Variants in TCP11L1 observed in about 807,000 individuals in gnomAD.
TCP11L1 encodes T-complex protein 11-like protein 1.
In TCP11L1, 28 loss-of-function variants were observed where a neutral mutation model predicts 48.9. The ratio of observed to expected loss-of-function variants is 0.57; its 90% CI spans 0.42 to 0.78. TCP11L1 has a LOEUF of 0.78. Ranked by LOEUF, TCP11L1 falls within the 30% of genes least tolerant of loss-of-function variation. The pLI, the probability that TCP11L1 is intolerant of heterozygous loss-of-function variation, is 0.00. For synonymous variants in TCP11L1, 204 were observed against 231.9 expected (o/e 0.88, Z 1.09); for missense variants, 505 against 613.4 (o/e 0.82, Z 1.87).
At chr11:33,051,441 A>G (rs1400858495) in intron 2 of TCP11L1, among the ~76,000 whole-genome samples, 1 of 152,218 alleles carries the variant, frequency 6.6e-6, no homozygotes, top group Non-Finnish European at 1.5e-5. Flanking sequence ...TGCTGGGATT[A>G]CAGGCGTGAT....
chr11:33,072,422 G>A lies in TCP11L1; in HGVS notation c.1328-52G>A. 5 of 1,597,904 alleles carry A rather than the reference G, an allele frequency of 3.1e-6. No individual in the cohort carries two copies. The South Asian group carries it at 5.5e-5, about 18-fold the overall frequency. ...AAGCTAAGAACTGAAGCACAGTAAG[G>A]TTTGTAAGGTGAAGGACAAGAAACA... On this transcript the variant is annotated intron_variant, in intron 9 of 9. Transcript: ENST00000334274.
At chr11:33,046,301 A>G (rs930821421) in intron 2 of TCP11L1, among the ~76,000 whole-genome samples, 4 of 152,230 alleles carry the variant, frequency 2.6e-5, no homozygotes, top group East Asian at 1.9e-4. Context: ...AACAATTTTA[A>G]CTTTTATAGG....
At chr11:33,072,352 C>T in intron 9 of TCP11L1, 122 bp from the exon 10 acceptor site, 1 of 950,934 alleles carries the variant, frequency 1.1e-6, no homozygotes, top group Non-Finnish European at 1.7e-6. Flanking sequence ...GGTATCTGGT[C>T]TGGGAGTATT....
chr11:33,061,476 G>T, intron 6 of TCP11L1, 54 bp from the exon 7 acceptor site: 2 of 1,484,672 alleles, frequency 1.3e-6, no homozygotes, highest in Admixed American at 2.1e-5. Context: ...AAGTAATTCC[G>T]AGAAGCATCC....
chr11:33,072,994 C>T lies in TCP11L1; in HGVS notation c.*318C>T. On this transcript the variant is annotated 3_prime_UTR_variant, in exon 10 of 10. Transcript: ENST00000334274. ...CCAAGGAGGCTGGGACCTCTCTCTT[C>T]TGCAATCTGGGTAGTTCTTTCAGAT... The T allele has an allele frequency of 2.8e-6, 1 of 352,470 alleles. No individual in the cohort carries two copies. The highest frequency in any genetic ancestry group is 5.4e-6 in the Non-Finnish European group (1 of 186,590). 21.8% of individuals were successfully genotyped at this position (352,470 alleles called of 1,614,324 possible).
intron 5 of TCP11L1, 117 bp downstream of exon 5, chr11:33,058,256 T>C: frequency 1.0e-6 from 1 of 981,718 alleles, no homozygotes; most frequent in Non-Finnish European, 1.4e-6. Context: ...TGGAGTGCAA[T>C]GGCGTGATCT....
chr11:33,068,881 A>C, intron 9 of TCP11L1, 22 bp downstream of exon 9: 1 of 1,604,698 alleles, frequency 6.2e-7, no homozygotes, highest in South Asian at 1.1e-5. Flanking sequence ...GAAGGCAGGC[A>C]GCAGGGATGT....
In TCP11L1 at chr11:33,073,053, A is replaced by G. The variant is rs532115900; in HGVS notation, c.*377A>G. 3.5e-5 allele frequency: 9 copies of G among 256,444 alleles called. No homozygotes were observed. The highest frequency in any genetic ancestry group is 6.8e-5 in the Non-Finnish European group (9 of 131,688). 15.9% of individuals were successfully genotyped at this position (256,444 alleles called of 1,614,324 possible). A position where few individuals can be genotyped will look rare whatever the true frequency, so the allele number is the denominator to read the frequency against. On this transcript the variant is annotated 3_prime_UTR_variant, in exon 10 of 10. Transcript: ENST00000334274. ...CTGAGCTGACGGCCATCCAAGCGCA[A>G]AAGAGACCAAGCCATGGCCTCACCT... is the stretch of plus-strand genomic sequence containing the variant.
At chr11:33,063,268 T>C (rs1222443673) in intron 7 of TCP11L1, among the ~76,000 whole-genome samples, 1 of 152,250 alleles carries the variant, frequency 6.6e-6, no homozygotes, top group East Asian at 1.9e-4. Flanking sequence ...TTATAAATTA[T>C]GCTTCTGTGA....
In TCP11L1 at chr11:33,073,405, G is replaced by A. The variant is rs1854854563; in HGVS notation, c.*729G>A. 1 of 152,086 alleles carries A rather than the reference G, an allele frequency of 6.6e-6. No individual in the cohort carries two copies. The highest frequency in any genetic ancestry group is 6.6e-5 in the Admixed American group (1 of 15,264). The allele number at this position is 152,086 out of a possible 1,614,324, so 9.4% of individuals were successfully genotyped here. On this transcript the variant is annotated 3_prime_UTR_variant, in exon 10 of 10. Transcript: ENST00000334274. The stretch of plus-strand genomic sequence containing the variant: ...TATGACTTATGAGATCTAGTGAAAG[G>A]AAAGTCTTTGACTTTCAAGCCTTGA...
At chr11:33,061,756 T>C (rs1314862791) in intron 7 of TCP11L1, 30 bp downstream of exon 7, 1 of 1,544,614 alleles carries the variant, frequency 6.5e-7, no homozygotes, top group Non-Finnish European at 8.8e-7. Context: ...TCACTACTCA[T>C]ATTTGTTTTT....
At chr11:33,051,936 G>T (rs1390163848) in intron 2 of TCP11L1, among the ~76,000 whole-genome samples, 2 of 151,948 alleles carry the variant, frequency 1.3e-5, no homozygotes, top group African/African-American at 4.8e-5. Context: ...TTGGCTTTTC[G>T]AGGTCTTTTG....
chr11:33,054,585 T>C lies in TCP11L1; in HGVS notation c.164-8T>C, dbSNP rs751726671. 1 of 1,607,440 alleles carries C rather than the reference T, an allele frequency of 6.2e-7. No individual in the cohort carries two copies. The highest frequency in any genetic ancestry group is 8.5e-7 in the Non-Finnish European group (1 of 1,178,100). On this transcript the variant is annotated splice_polypyrimidine_tract_variant and splice_region_variant and intron_variant, in intron 2 of 9. Coordinates refer to ENST00000334274, the MANE Select transcript of TCP11L1 (RefSeq NM_018393.4). ...AAGCAAATCTCTTACAGTGAGTTTC[T>C]GTTACAGCTAGTCCTCCTCGCTTTG...
intron 2 of TCP11L1, among the ~76,000 whole-genome samples, chr11:33,050,662 AC>A (rs1854132830): frequency 6.6e-6 from 1 of 151,764 alleles, no homozygotes; most frequent in African/African-American, 2.4e-5. Context: ...TAACAAAAAA[AC>A]CTTTTTATTT....
chr11:33,053,966 C>T (rs564594881), intron 2 of TCP11L1, among the ~76,000 whole-genome samples: 42 of 152,226 alleles, frequency 2.8e-4, no homozygotes, highest in African/African-American at 8.9e-4. Context: ...CAGGCATGCA[C>T]CACCATGCCC....
intron 5 of TCP11L1, 82 bp from the exon 6 acceptor site, chr11:33,058,877 T>A: frequency 6.7e-7 from 1 of 1,501,268 alleles, no homozygotes; most frequent in Non-Finnish European, 9.1e-7. Context: ...ATTACAGGTG[T>A]GAGCCACGCG....
intron 3 of TCP11L1, among the ~76,000 whole-genome samples, chr11:33,055,216 A>G (rs934795939): frequency 2.0e-5 from 3 of 152,236 alleles, no homozygotes; most frequent in Admixed American, 6.5e-5. Flanking sequence ...GAGAGATTAA[A>G]ATATTGGGGA....
intron 1 of TCP11L1, chr11:33,040,379 A>G (rs905512759): frequency 4.6e-5 from 7 of 152,200 alleles, no homozygotes; most frequent in Non-Finnish European, 1.0e-4. Context: ...CTCCCCCCAA[A>G]CCGAGCAGGT....
At chr11:33,043,368 T>C (rs1361842271) in intron 1 of TCP11L1, among the ~76,000 whole-genome samples, 1 of 152,240 alleles carries the variant, frequency 6.6e-6, no homozygotes, top group Non-Finnish European at 1.5e-5. Context: ...GGAGTTTACC[T>C]ATCTGCTCTT....
Sources: allele counts gnomAD v4.1 joint callset (sites outside exome capture counted in the v4.1 genomes callset), GRCh38; gene constraint gnomAD v4.1.1; transcripts MANE v1.5; gene names NCBI Gene and HGNC (gene_info 2026-07-23, HGNC 2026-07-21).